Variants in ALCAM observed in about 807,000 individuals in gnomAD.
ALCAM encodes activated leukocyte cell adhesion molecule.
A neutral mutation model predicts 70.9 loss-of-function variants in ALCAM; 30 were observed. The ratio of observed to expected loss-of-function variants is 0.42; its 90% CI spans 0.32 to 0.57. The LOEUF (loss-of-function observed/expected upper bound fraction) is 0.57. ALCAM is among the 20% of genes least tolerant of loss of function. The probability of loss-of-function intolerance (pLI) is 0.11; values close to 1 mark genes in which losing one functional copy is unlikely to be tolerated. For missense variants in ALCAM, 591 were observed against 695.1 expected (o/e 0.85, Z 1.68); for synonymous variants, 249 against 242.5 (o/e 1.03, Z -0.25).
intron 1 of ALCAM, among the ~76,000 whole-genome samples, chr3:105,509,145 A>G (rs116508449): frequency 0.014 from 2,091 of 152,262 alleles, 48 homozygotes; most frequent in African/African-American, 0.047. Flanking sequence ...TTGTGTCCAT[A>G]TCTTGGCTAT....
At chr3:105,471,014 T>C (rs565157323) in intron 1 of ALCAM, among the ~76,000 whole-genome samples, 2 of 151,446 alleles carry the variant, frequency 1.3e-5, no homozygotes, top group South Asian at 4.1e-4. Flanking sequence ...GTTACATTTA[T>C]TTTTATGCTA....
intron 1 of ALCAM, among the ~76,000 whole-genome samples, chr3:105,481,644 T>C (rs2152607616): frequency 6.6e-6 from 1 of 152,336 alleles, no homozygotes; most frequent in Admixed American, 6.5e-5. Flanking sequence ...TTAAATGATA[T>C]CCTTACAAAA....
intron 1 of ALCAM, among the ~76,000 whole-genome samples, chr3:105,369,760 A>G (rs73177460): frequency 0.16 from 24,628 of 152,010 alleles, 2,270 homozygotes; most frequent in East Asian, 0.38. Context: ...AGTTTGTGAA[A>G]CTGCTTCCCC....
At chr3:105,501,639 T>G (rs1442347283) in intron 1 of ALCAM, among the ~76,000 whole-genome samples, 1 of 152,160 alleles carries the variant, frequency 6.6e-6, no homozygotes, top group East Asian at 1.9e-4. Context: ...TTACTTTAAT[T>G]TTGAAATGTA....
intron 14 of ALCAM, among the ~76,000 whole-genome samples, chr3:105,570,857 TGTAGTA>T (rs1469731535): frequency 1.3e-5 from 2 of 152,086 alleles, no homozygotes; most frequent in Middle Eastern, 3.2e-3. Flanking sequence ...GAATTCAGGT[TGTAGTA>T]GCCTTTGGGC....
At chr3:105,547,960 A>G (rs1375168554) in intron 11 of ALCAM, among the ~76,000 whole-genome samples, 1 of 151,438 alleles carries the variant, frequency 6.6e-6, no homozygotes, top group Non-Finnish European at 1.5e-5. Flanking sequence ...ACTTCTTAAA[A>G]CTATGTCCTC....
rs758197920 is a variant in ALCAM, at chr3:105,545,199, TTGAACAGA to T, written c.992-22_992-15del. On this transcript the variant is annotated splice_polypyrimidine_tract_variant and intron_variant, in intron 8 of 15. Coordinates refer to ENST00000306107, the MANE Select transcript of ALCAM (RefSeq NM_001627.4). ...TATCTTACATTTCAGAGTTAGCACT[TTGAACAGA>T]TTTTCTGCTTCACAGATTTGGATTT... 4 of 1,455,384 alleles carry T rather than the reference TTGAACAGA, an allele frequency of 2.7e-6. No individual in the cohort carries two copies. In the African/African-American group the frequency reaches 5.6e-5, roughly 20 times the overall value. 90.2% of individuals were successfully genotyped at this position (1,455,384 alleles called of 1,614,324 possible). A position where few individuals can be genotyped will look rare whatever the true frequency, so the allele number is the denominator to read the frequency against.
intron 1 of ALCAM, among the ~76,000 whole-genome samples, chr3:105,507,678 T>A (rs2152618640): frequency 6.6e-6 from 1 of 152,332 alleles, no homozygotes; most frequent in East Asian, 1.9e-4. Context: ...TTGAAGGACA[T>A]CTTGTCCAAG....
intron 14 of ALCAM, among the ~76,000 whole-genome samples, chr3:105,564,478 T>C (rs1940701929): frequency 6.6e-6 from 1 of 152,230 alleles, no homozygotes; most frequent in African/African-American, 2.4e-5. Context: ...GATCTGAACC[T>C]TTGTCTATCA....
chr3:105,463,462 A>G lies in ALCAM; in HGVS notation c.74-56605A>G, dbSNP rs753008423. On this transcript the variant is annotated intron_variant, in intron 1 of 15. Transcript: ENST00000306107. ...ACCTTTAAGTTACATAACTTTAGAG[A>G]CAGAATTTTCTACAGTGAGAAATTT... Among the ~76,000 whole-genome samples, 4 of 151,596 alleles carry G rather than the reference A, an allele frequency of 2.6e-5. No individual in the cohort carries two copies. In the South Asian group the frequency reaches 6.2e-4, roughly 24 times the overall value.
chr3:105,509,373 T>A (rs182403719), intron 1 of ALCAM, among the ~76,000 whole-genome samples: 1 of 152,144 alleles, frequency 6.6e-6, no homozygotes, highest in East Asian at 1.9e-4. Context: ...CATCAATACT[T>A]GGTATCTCTT....
At chr3:105,542,945 C>G (rs1940159359) in intron 8 of ALCAM, among the ~76,000 whole-genome samples, 1 of 151,634 alleles carries the variant, frequency 6.6e-6, no homozygotes, top group Admixed American at 6.6e-5. Context: ...GCAGTAGCTT[C>G]CAGTATAACA....
At position 105,532,055 on chromosome 3, in the gene ALCAM, C is replaced by A. The variant is rs769710275; in HGVS notation, c.448C>A (p.Gln150Lys). ...CAAAGCACTGTTTCTCGAAACAGAG[C>A]AGCTAAAAAAGGTAAGAATTGTTTT... is the stretch of plus-strand genomic sequence containing the variant. Reference protein sequence around the residue: ...VSKALFLETEQLKKLGDCISE... With the variant: ...VSKALFLETEKLKKLGDCISE... The change falls in exon 4 of 16, where the codon CAG becomes AAG. Residue 150 changes from glutamine to lysine, a missense_variant. Gln to Lys is a moderately conservative substitution (Grantham distance 53). Transcript: ENST00000306107. The A allele has an allele frequency of 1.7e-5, 28 of 1,612,976 alleles. No homozygotes were observed. In the South Asian group the frequency reaches 3.1e-4, roughly 18 times the overall value.
intron 1 of ALCAM, among the ~76,000 whole-genome samples, chr3:105,382,888 T>C (rs2107337807): frequency 6.6e-6 from 1 of 152,020 alleles, no homozygotes; most frequent in African/African-American, 2.4e-5. Context: ...CTTCAAATAC[T>C]TCGGACACTT....
intron 1 of ALCAM, among the ~76,000 whole-genome samples, chr3:105,371,595 C>G (rs1456472414): frequency 6.6e-6 from 1 of 151,602 alleles, no homozygotes; most frequent in Non-Finnish European, 1.5e-5. Flanking sequence ...AACTTAGTAC[C>G]ACCTAAGTTG....
chr3:105,551,916 T>C (rs1420195053), intron 12 of ALCAM, among the ~76,000 whole-genome samples: 1 of 151,602 alleles, frequency 6.6e-6, no homozygotes, highest in Non-Finnish European at 1.5e-5. Context: ...TGAAATTTTC[T>C]ATGGTAGATT....
chr3:105,550,644 G>A (rs1940377839), intron 12 of ALCAM, among the ~76,000 whole-genome samples: 1 of 151,372 alleles, frequency 6.6e-6, no homozygotes, highest in African/African-American at 2.4e-5. Flanking sequence ...AATTCCCTTT[G>A]ATCTATTATT....
chr3:105,554,993 G>C (rs987887397), intron 14 of ALCAM, among the ~76,000 whole-genome samples: 1 of 151,722 alleles, frequency 6.6e-6, no homozygotes, highest in Non-Finnish European at 1.5e-5. Flanking sequence ...TAAATTCTTG[G>C]AGCACCCCCA....
chr3:105,568,408 CAT>C (rs1218819911), intron 14 of ALCAM, among the ~76,000 whole-genome samples: 1 of 152,124 alleles, frequency 6.6e-6, no homozygotes, highest in African/African-American at 2.4e-5. Context: ...AGTTCTGACA[CAT>C]AGTCTTTCTT....
Sources: gnomAD v4.1 joint callset for allele counts (sites outside exome capture counted in the v4.1 genomes callset) on GRCh38, gnomAD v4.1.1 for gene constraint, MANE v1.5 for transcripts, NCBI Gene and HGNC (gene_info 2026-07-23, HGNC 2026-07-21) for gene names.